The following KLHL1 variants were observed in gnomAD, a reference collection of about 807,000 sequenced individuals.
KLHL1 encodes kelch-like protein 1.
Under a neutral mutation model 77.7 loss-of-function variants are expected in KLHL1, and 47 were observed. The ratio of observed to expected loss-of-function variants is 0.60; its 90% CI spans 0.48 to 0.77. The LOEUF is 0.77. Ranked by LOEUF, KLHL1 falls within the 30% of genes least tolerant of loss-of-function variation. KLHL1 has a pLI of 0.00. For synonymous variants in KLHL1, 360 were observed against 325.2 expected (o/e 1.11, Z -1.15); for missense variants, 925 against 910.8 (o/e 1.02, Z -0.20).
chr13:70,026,816 T>C (rs8000910), intron 1 of KLHL1, among the ~76,000 whole-genome samples: 2 of 151,232 alleles, frequency 1.3e-5, no homozygotes, highest in Non-Finnish European at 2.9e-5. Context: ...TGTATGTTAA[T>C]GGATAAAATA....
chr13:70,028,568 A>G (rs1458134719), intron 1 of KLHL1, among the ~76,000 whole-genome samples: 1 of 152,174 alleles, frequency 6.6e-6, no homozygotes, highest in Non-Finnish European at 1.5e-5. Context: ...ATATTTCCCA[A>G]TACTATCATT....
intron 5 of KLHL1, among the ~76,000 whole-genome samples, chr13:69,852,548 A>G (rs1353518440): frequency 6.6e-6 from 1 of 152,024 alleles, no homozygotes; most frequent in African/African-American, 2.4e-5. Context: ...CACACTAATT[A>G]GAAGGTATCA....
At chr13:70,087,895 C>A (rs1441940576) in intron 1 of KLHL1, among the ~76,000 whole-genome samples, 1 of 151,952 alleles carries the variant, frequency 6.6e-6, no homozygotes, top group Admixed American at 6.6e-5. Flanking sequence ...GAGAGGGGAA[C>A]AACACACACT....
At chr13:69,967,311 A>G (rs1270511038) in intron 2 of KLHL1, among the ~76,000 whole-genome samples, 1 of 152,184 alleles carries the variant, frequency 6.6e-6, no homozygotes, top group Non-Finnish European at 1.5e-5. Context: ...AAAAATAACA[A>G]CTAGTTTGGA....
intron 7 of KLHL1, among the ~76,000 whole-genome samples, chr13:69,768,196 A>G (rs1174699198): frequency 6.6e-6 from 1 of 152,212 alleles, no homozygotes; most frequent in African/African-American, 2.4e-5. Flanking sequence ...GCTGCAAAGA[A>G]TGCAACCATG....
chr13:69,975,638 C>A lies in KLHL1; in HGVS notation c.662G>T (p.Arg221Leu). Residue 221 changes from arginine (R) to leucine (L), a missense_variant, in exon 2 of 11, where the codon CGA becomes CTA. Transcript: ENST00000377844. ...ACTGTACCTATGTGCAGGTATCTTTCGGTTCCCAACAATCAGGATAACATC... is the reference window on the plus strand; with the variant it reads ...ACTGTACCTATGTGCAGGTATCTTTAGGTTCCCAACAATCAGGATAACATC... ...LCDVILIVGN[R>L]KIPAHRLVLS... The A allele has an allele frequency of 1.9e-6, 3 of 1,613,146 alleles. No homozygotes were observed. The highest frequency in any genetic ancestry group is 2.5e-6 in the Non-Finnish European group (3 of 1,179,558).
chr13:69,986,985 CTG>C (rs1291505855), intron 1 of KLHL1, among the ~76,000 whole-genome samples: 1 of 149,006 alleles, frequency 6.7e-6, no homozygotes, highest in Non-Finnish European at 1.5e-5. Flanking sequence ...GATAAATTAA[CTG>C]TACTTTTTTT....
chr13:69,944,167 G>T (rs574576449), intron 3 of KLHL1, among the ~76,000 whole-genome samples: 1 of 152,172 alleles, frequency 6.6e-6, no homozygotes, highest in Non-Finnish European at 1.5e-5. Flanking sequence ...TATGGTATAT[G>T]AGCAACACCT....
chr13:69,752,812 C>T (rs1020957971), intron 7 of KLHL1, among the ~76,000 whole-genome samples: 8 of 152,136 alleles, frequency 5.3e-5, no homozygotes, highest in Non-Finnish European at 1.2e-4. Flanking sequence ...TGGCCATAAG[C>T]GAATAGGTAT....
At chr13:70,030,005 A>G (rs968340442) in intron 1 of KLHL1, among the ~76,000 whole-genome samples, 10 of 152,222 alleles carry the variant, frequency 6.6e-5, no homozygotes, top group African/African-American at 2.4e-4. Context: ...GAAGTCCATT[A>G]CATAATGGTA....
intron 7 of KLHL1, among the ~76,000 whole-genome samples, chr13:69,783,599 A>G (rs1317437520): frequency 6.6e-6 from 1 of 151,514 alleles, no homozygotes; most frequent in Non-Finnish European, 1.5e-5. Flanking sequence ...AAATGAATAA[A>G]ATGAAGCCAG....
At chr13:69,967,961 A>T (rs1203603177) in intron 2 of KLHL1, among the ~76,000 whole-genome samples, 1 of 152,166 alleles carries the variant, frequency 6.6e-6, no homozygotes, top group Non-Finnish European at 1.5e-5. Flanking sequence ...TTGAAGAGAA[A>T]ATTGATTCCA....
chr13:70,042,526 T>C (rs1187701770), intron 1 of KLHL1, among the ~76,000 whole-genome samples: 7 of 152,096 alleles, frequency 4.6e-5, no homozygotes, highest in Non-Finnish European at 1.0e-4. Flanking sequence ...CAAAAGTAAT[T>C]GCACAATGTA....
At chr13:70,086,082 A>G (rs183899780) in intron 1 of KLHL1, among the ~76,000 whole-genome samples, 60 of 152,250 alleles carry the variant, frequency 3.9e-4, no homozygotes, top group African/African-American at 1.4e-3. Flanking sequence ...TTCCCATCTT[A>G]TCTAATGGAA....
intron 1 of KLHL1, among the ~76,000 whole-genome samples, chr13:70,000,932 A>AG (rs1885272824): frequency 6.7e-6 from 1 of 150,202 alleles, no homozygotes; most frequent in Non-Finnish European, 1.5e-5. Context: ...TTACAGAAAA[A>AG]AAAACAAAAA....
chr13:69,965,100 T>G (rs1884175271), intron 2 of KLHL1, among the ~76,000 whole-genome samples: 1 of 152,230 alleles, frequency 6.6e-6, no homozygotes. Flanking sequence ...ATACAATTAT[T>G]TGGTTTATCT....
chr13:69,760,384 T>A (rs916690637), intron 7 of KLHL1, among the ~76,000 whole-genome samples: 1 of 151,928 alleles, frequency 6.6e-6, no homozygotes, highest in Non-Finnish European at 1.5e-5. Flanking sequence ...AGACGGAATT[T>A]CACTCGTTTT....
In KLHL1 at chr13:69,962,713, TTA is replaced by T. The variant is rs543979100; in HGVS notation, c.681-1271_681-1270del. On this transcript the variant is annotated intron_variant, in intron 2 of 10. Coordinates refer to ENST00000377844, the MANE Select transcript of KLHL1 (RefSeq NM_020866.3). ...AAAATTATGATATTTTCAAGTATAA[TTA>T]TGAGATGAATAAATCTCTAATTTTA... is the stretch of plus-strand genomic sequence containing the variant. 8.4e-4 allele frequency among the ~76,000 whole-genome samples: 128 copies of T among 152,244 alleles called. No homozygotes were observed. In the East Asian group the frequency reaches 0.017, roughly 20 times the overall value.
At chr13:69,867,916 T>G (rs921218560) in intron 5 of KLHL1, among the ~76,000 whole-genome samples, 1 of 151,802 alleles carries the variant, frequency 6.6e-6, no homozygotes, top group African/African-American at 2.4e-5. Flanking sequence ...AACGAGTTAA[T>G]GGGTGCAGCA....
Sources: gnomAD v4.1 joint callset for allele counts (sites outside exome capture counted in the v4.1 genomes callset) on GRCh38, gnomAD v4.1.1 for gene constraint, MANE v1.5 for transcripts, NCBI Gene and HGNC (gene_info 2026-07-23, HGNC 2026-07-21) for gene names.